DLG5: variants seen among roughly 807,000 people sequenced by gnomAD.
The protein encoded by DLG5 is discs large MAGUK scaffold protein 5.
A neutral mutation model predicts 189.8 loss-of-function variants in DLG5; 48 were observed. The ratio of observed to expected loss-of-function variants is 0.25; its 90% confidence interval spans 0.20 to 0.32. The LOEUF (loss-of-function observed/expected upper bound fraction) is 0.32, where lower values mean the gene tolerates loss of function less well. DLG5 is among the 10% of genes least tolerant of loss of function. The pLI is 1.00. For synonymous variants in DLG5, 1,016 were observed against 1,054.1 expected, an observed-to-expected ratio of 0.96 and a Z score of 0.70; for missense variants, 2,160 against 2,544.7, an observed-to-expected ratio of 0.85 and a Z score of 3.25.
chr10:77,842,248 G>T, intron 6 of DLG5, 55 bp from the exon 7 acceptor site: 1 of 1,559,552 alleles, frequency 6.4e-7, no homozygotes, highest in South Asian at 1.2e-5. Flanking sequence ...CCGGTCAGTG[G>T]CCGGCTGCGC....
chr10:77,877,862 C>CCGGCCGCAGA (rs1845150877), intron 1 of DLG5, among the ~76,000 whole-genome samples: 1 of 110,768 alleles, frequency 9.0e-6, no homozygotes, highest in Non-Finnish European at 2.1e-5. Flanking sequence ...AGTGGAGCAG[C>CCGGCCGCAGA]GCCTCTGCCC....
At chr10:77,926,907 C>T (rs1359457754), upstream of DLG5, 4 of 351,862 alleles carry the variant, frequency 1.1e-5, no homozygotes, top group South Asian at 7.7e-5. This position sits in a 1 kb window ranked among gnomAD's most constrained non-coding sequence, Gnocchi z 5.2. Context: ...AAAACTCGCC[C>T]CGAAAGCCGG....
intron 20 of DLG5, 75 bp downstream of exon 20, chr10:77,816,476 C>A: frequency 1.2e-6 from 2 of 1,605,250 alleles, no homozygotes; most frequent in South Asian, 1.1e-5. Context: ...CCCTTCCCTG[C>A]AGAGCCCAGG....
chr10:77,800,270 G>T (rs1489453099), intron 27 of DLG5, among the ~76,000 whole-genome samples: 1 of 152,202 alleles, frequency 6.6e-6, no homozygotes, highest in African/African-American at 2.4e-5. Context: ...TAGAAAATCT[G>T]GGTAAAAAAT....
chr10:77,926,872 C>CCGCG (rs1484452585), upstream of DLG5: 1 of 317,156 alleles, frequency 3.2e-6, no homozygotes, highest in East Asian at 1.6e-4. The surrounding 1 kb of genome is among the most constrained non-coding windows in gnomAD (Gnocchi z 5.2). Flanking sequence ...CCCTCAGCCT[C>CCGCG]CGCGCGCGCC....
chr10:77,853,273 T>G (rs1844070039), intron 5 of DLG5, 81 bp downstream of exon 5: 1 of 1,288,628 alleles, frequency 7.8e-7, no homozygotes, highest in Admixed American at 3.2e-5. Context: ...CGGCCCAGCA[T>G]TTACTTCTCA....
rs1846680520 is a variant in DLG5, at chr10:77,926,067, G to A, written c.304+150C>T. ...GAGGCGGCGGGACTTCGGGATCCGC[G>A]CACCGCCGCCTCCCCAACTGGGCCA... On this transcript the variant is annotated intron_variant, in intron 1 of 31. Transcript: ENST00000372391. The surrounding 1 kb of genome is among the most constrained non-coding windows in gnomAD (Gnocchi z 5.2). 1.2e-6 allele frequency: 1 copy of A among 821,468 alleles called. No homozygotes were observed. The highest frequency in any genetic ancestry group is 1.8e-5 in the African/African-American group (1 of 56,100). The allele number at this position is 821,468 out of a possible 1,614,324, so 50.9% of individuals were successfully genotyped here.
At chr10:77,854,443 A>T in intron 3 of DLG5, 73 bp from the exon 4 acceptor site, 4 of 1,583,042 alleles carry the variant, frequency 2.5e-6, no homozygotes, top group Non-Finnish European at 3.4e-6. Flanking sequence ...CAGGTCCTGG[A>T]TTAGGCCAGC....
Position 77,792,135 on chromosome 10 carries a change from A to G in DLG5, c.*305T>C. On this transcript the variant is annotated 3_prime_UTR_variant, in exon 32 of 32. Transcript: ENST00000372391. The stretch of plus-strand genomic sequence containing the variant: ...AAAAGGCTTGTAAACGAGTGATCCG[A>G]AAGGTTCTCTTTGCAGCATCTCTGA... 2.4e-6 allele frequency: 1 copy of G among 412,548 alleles called. No homozygotes were observed. The highest frequency in any genetic ancestry group is 4.4e-5 in the East Asian group (1 of 22,862). The allele number at this position is 412,548 out of a possible 1,614,324, so 25.6% of individuals were successfully genotyped here. A position where few individuals can be genotyped will look rare whatever the true frequency, so the allele number is the denominator to read the frequency against.
chr10:77,799,640 T>C (rs1053166309), intron 27 of DLG5, among the ~76,000 whole-genome samples: 13 of 152,228 alleles, frequency 8.5e-5, no homozygotes, highest in Admixed American at 6.5e-5. Flanking sequence ...GATATGCTCT[T>C]GCTTTGTTGC....
In DLG5 at chr10:77,796,328, C is replaced by T. The variant is rs542324598; in HGVS notation, c.5308+123G>A. On this transcript the variant is annotated intron_variant, in intron 28 of 31. Transcript: ENST00000372391. This position sits in a 1 kb window ranked among gnomAD's most constrained non-coding sequence, Gnocchi z 5.2. ...GAATCTGACCCATGTCAGCAGGCTT[C>T]TGGAACACTGTGAAATCTGCCCCCC... The T allele has an allele frequency of 1.8e-5, 29 of 1,585,446 alleles. No individual in the cohort carries two copies. In the African/African-American group the frequency reaches 3.4e-4, roughly 18 times the overall value.
At chr10:77,811,882 CT>C in intron 22 of DLG5, 41 bp downstream of exon 22, 1 of 1,571,384 alleles carries the variant, frequency 6.4e-7, no homozygotes, top group Non-Finnish European at 8.6e-7. Flanking sequence ...GCACCCACCT[CT>C]CCACCCCCAG....
chr10:77,938,886 G>T, the DLG5 span, among the ~76,000 whole-genome samples: 3 of 152,162 alleles, frequency 2.0e-5, no homozygotes, highest in South Asian at 6.2e-4. Flanking sequence ...TTTTGCACAT[G>T]CATCAAAACT....
At chr10:77,801,982 C>T (rs939936172) in intron 27 of DLG5, among the ~76,000 whole-genome samples, 4 of 152,288 alleles carry the variant, frequency 2.6e-5, no homozygotes, top group East Asian at 1.9e-4. Flanking sequence ...GAGAGACCCA[C>T]GTGGAGGACG....
chr10:77,806,718 A>AGGGCCCC, intron 26 of DLG5, 40 bp downstream of exon 26: 21 of 1,333,618 alleles, frequency 1.6e-5, no homozygotes, highest in Non-Finnish European at 2.2e-5. Flanking sequence ...GCCCTCGGCG[A>AGGGCCCC]CCCCTGCCCC....
intron 22 of DLG5, 144 bp from the exon 23 acceptor site, chr10:77,811,378 T>TA (rs1425998177): frequency 2.9e-6 from 3 of 1,043,646 alleles, no homozygotes; most frequent in Non-Finnish European, 4.0e-6. Context: ...GCAGACACAT[T>TA]AGAAGCCTGG....
At chr10:77,831,123 A>G (rs1842877277) in intron 9 of DLG5, among the ~76,000 whole-genome samples, 1 of 152,186 alleles carries the variant, frequency 6.6e-6, no homozygotes, top group African/African-American at 2.4e-5. Flanking sequence ...TCAAAATGCC[A>G]GCTGGGCACA....
chr10:77,897,347 C>T (rs1469617413), intron 1 of DLG5, among the ~76,000 whole-genome samples: 16 of 151,880 alleles, frequency 1.1e-4, no homozygotes, highest in Non-Finnish European at 2.4e-4. Context: ...CAGAGAGAGA[C>T]TCCATCTCCA....
intron 1 of DLG5, among the ~76,000 whole-genome samples, chr10:77,916,715 A>C (rs910330720): frequency 2.0e-5 from 3 of 152,038 alleles, no homozygotes; most frequent in African/African-American, 7.2e-5. Flanking sequence ...CTTCTCAAAA[A>C]ATTGAACACA....
Sources: allele counts gnomAD v4.1 joint callset (sites outside exome capture counted in the v4.1 genomes callset), GRCh38; gene constraint gnomAD v4.1.1; non-coding constraint Gnocchi (gnomAD v3.1); transcripts MANE v1.5; gene names NCBI Gene and HGNC (gene_info 2026-07-23, HGNC 2026-07-21).